Variants in CC2D2B observed in about 807,000 individuals in gnomAD.
CC2D2B encodes the protein coiled-coil and C2 domain containing 2B, also known as protein CC2D2B.
A neutral mutation model predicts 161.2 loss-of-function variants in CC2D2B; 128 were observed. That is an observed-to-expected ratio of 0.79 (90% CI 0.69 to 0.92). CC2D2B has a LOEUF of 0.92. Among genes scored for constraint, CC2D2B ranks in the 40% least tolerant of loss-of-function variants. The pLI, the probability that CC2D2B is intolerant of heterozygous loss-of-function variation, is 0.00. For synonymous variants in CC2D2B, 391 were observed against 449.8 expected, an observed-to-expected ratio of 0.87 and a Z score of 1.65; for missense variants, 1,173 against 1,375.1, an observed-to-expected ratio of 0.85 and a Z score of 2.32.
intron 2 of CC2D2B, among the ~76,000 whole-genome samples, chr10:95,912,343 A>G (rs957838617): frequency 1.3e-5 from 2 of 152,236 alleles, no homozygotes; most frequent in Admixed American, 1.3e-4. Flanking sequence ...TTATTTTAAC[A>G]TACTGAATTT....
chr10:96,025,172 T>TAAAAAAAAAA lies in CC2D2B; in HGVS notation c.3947+262_3947+263insAAAAAAAAAA, dbSNP rs1564683838. Among the ~76,000 whole-genome samples, 46 of 17,616 alleles carry TAAAAAAAAAA rather than the reference T, an allele frequency of 2.6e-3. 3 individuals carry two copies. The East Asian group carries it at 0.053, about 20-fold the overall frequency. The allele number at this position is 17,616 out of a possible 152,430, so 11.6% of individuals were successfully genotyped here. ...AAAAAAAAATATATATATATATATATATATATATATATAAAAAAAAATATA... is the reference window on the plus strand; with the variant it reads ...AAAAAAAAATATATATATATATATATAAAAAAAAAAATATATATATATAAAAAAAAATATA... On this transcript the variant is annotated intron_variant, in intron 33 of 34. Coordinates refer to ENST00000646931, the MANE Select transcript of CC2D2B (RefSeq NM_001349008.3).
At position 95,938,917 on chromosome 10, in the gene CC2D2B, T is replaced by C. The variant is rs1351173281; in HGVS notation, c.793T>C (p.Tyr265His). 1 of 680,384 alleles carries C rather than the reference T, an allele frequency of 1.5e-6. No individual in the cohort carries two copies. Among genetic ancestry groups the C allele is most frequent in the African/African-American group, 1.8e-5 (1 of 55,272 alleles). 42.1% of individuals were successfully genotyped at this position (680,384 alleles called of 1,614,324 possible). Residue 265 changes from tyrosine (Y) to histidine (H), a missense_variant, in exon 9 of 35, where the codon TAC (tyrosine) becomes CAC (histidine). Physicochemically the swap from Tyr to His is moderately conservative, Grantham distance 83 (BLOSUM62 2). Transcript: ENST00000646931. ...TTTAAATCCATTACTTAAGACCATA[T>C]ACAGGAAGGTAACCAACAACAATTT... ...EPLNPLLKTI[Y>H]RKAVKYDLGS...
At chr10:96,024,487 A>T (rs12263588) in intron 32 of CC2D2B, among the ~76,000 whole-genome samples, 1 of 152,184 alleles carries the variant, frequency 6.6e-6, no homozygotes, top group Non-Finnish European at 1.5e-5. Flanking sequence ...CTATGTTAAA[A>T]ACTCAGAACA....
rs762406350 is a variant in CC2D2B, at chr10:95,972,207, G to A, written c.1786G>A (p.Val596Ile). 1 of 1,232,008 alleles carries A rather than the reference G, an allele frequency of 8.1e-7. No homozygotes were observed. The highest frequency in any genetic ancestry group is 4.2e-5 in the Admixed American group (1 of 23,720). 76.3% of individuals were successfully genotyped at this position (1,232,008 alleles called of 1,614,324 possible). A position where few individuals can be genotyped will look rare whatever the true frequency, so the allele number is the denominator to read the frequency against. Residue 596 changes from valine to isoleucine, a missense_variant, in exon 16 of 35, where the codon GTA (valine) becomes ATA (isoleucine). Val to Ile is a conservative substitution (Grantham distance 29, BLOSUM62 3). Transcript: ENST00000646931. ...DKLVMPADGE[V>I]GSNVPFLLEG... ...GCTGGTCATGCCTGCCGATGGAGAA[G>A]TAGGAAGCAGTGAGTTTATTAAAAA...
intron 15 of CC2D2B, among the ~76,000 whole-genome samples, chr10:95,971,839 C>T (rs2077147076): frequency 6.6e-6 from 1 of 152,098 alleles, no homozygotes; most frequent in African/African-American, 2.4e-5. Flanking sequence ...GAACTGTATT[C>T]ATAATCCCTT....
intron 17 of CC2D2B, among the ~76,000 whole-genome samples, chr10:95,978,872 T>A (rs181680854): frequency 2.6e-5 from 4 of 152,350 alleles, no homozygotes; most frequent in Non-Finnish European, 4.4e-5. Flanking sequence ...TCTGTTTGAT[T>A]CTCTTTCATA....
intron 11 of CC2D2B, among the ~76,000 whole-genome samples, chr10:95,956,791 T>C (rs4918982): frequency 0.59 from 89,680 of 152,076 alleles, 27,013 homozygotes; most frequent in Admixed American, 0.66. Context: ...TACTTTAAAT[T>C]GCTTCTAGAT....
At chr10:95,912,250 A>G (rs1340735439) in intron 2 of CC2D2B, among the ~76,000 whole-genome samples, 1 of 152,196 alleles carries the variant, frequency 6.6e-6, no homozygotes, top group East Asian at 1.9e-4. Flanking sequence ...ACTTATAACC[A>G]TATCATTCTA....
intron 24 of CC2D2B, chr10:95,999,972 C>T (rs1158065381): frequency 4.1e-6 from 3 of 735,576 alleles, no homozygotes; most frequent in East Asian, 3.8e-5. Context: ...CTTATGTGCT[C>T]AATACACACA....
At chr10:96,025,422 GAA>G (rs2141959984) in intron 33 of CC2D2B, among the ~76,000 whole-genome samples, 1 of 149,646 alleles carries the variant, frequency 6.7e-6, no homozygotes, top group African/African-American at 2.5e-5. Flanking sequence ...TACATCCATG[GAA>G]AAGTGGCCCC....
intron 20 of CC2D2B, among the ~76,000 whole-genome samples, chr10:95,990,287 G>A (rs1396982575): frequency 6.6e-6 from 1 of 152,080 alleles, no homozygotes; most frequent in Non-Finnish European, 1.5e-5. Flanking sequence ...GGGTGAGTAA[G>A]GGCACAATTT....
chr10:96,015,844 C>G (rs948994387), intron 29 of CC2D2B, among the ~76,000 whole-genome samples: 1 of 152,204 alleles, frequency 6.6e-6, no homozygotes, highest in Non-Finnish European at 1.5e-5. Context: ...GATTCCCTAT[C>G]AGATAAGGTT....
chr10:95,979,566 C>T (rs1337816548), intron 17 of CC2D2B, among the ~76,000 whole-genome samples: 1 of 152,180 alleles, frequency 6.6e-6, no homozygotes, highest in Non-Finnish European at 1.5e-5. Context: ...GAGCCCACAA[C>T]CACCATGGAC....
chr10:95,938,465 T>G (rs1336457), intron 7 of CC2D2B, 104 bp from the exon 8 acceptor site: 141,074 of 605,094 alleles, frequency 0.23, 19,909 homozygotes, highest in East Asian at 0.58. Context: ...TCTGCTAGAC[T>G]TCAGTAGTAG....
At chr10:95,999,378 T>G (rs2078369623) in intron 24 of CC2D2B, among the ~76,000 whole-genome samples, 1 of 152,230 alleles carries the variant, frequency 6.6e-6, no homozygotes, top group African/African-American at 2.4e-5. Flanking sequence ...ACATTGAGCT[T>G]CTTTCCATAG....
Position 95,955,409 on chromosome 10 carries a change from G to C in CC2D2B, c.1027G>C (p.Asp343His), listed in dbSNP as rs1478580332. ...LLYEKLKALTDATKLSNENSE... is the reference protein window; with the variant it reads ...LLYEKLKALTHATKLSNENSE... Reference sequence around the variant, plus strand: ...TTTGTTATAGCTGAAAGCACTGACAGATGCTACCAAATTGTCAAATGAAAA... The same window carrying C: ...TTTGTTATAGCTGAAAGCACTGACACATGCTACCAAATTGTCAAATGAAAA... Residue 343 changes from aspartate to histidine, a missense_variant, in exon 11 of 35, where the codon GAT (aspartate) becomes CAT (histidine). Transcript: ENST00000646931. 2 of 398,048 alleles carry C rather than the reference G, an allele frequency of 5.0e-6. No individual in the cohort carries two copies. Among genetic ancestry groups the C allele is most frequent in the African/African-American group, 4.1e-5 (2 of 48,538 alleles). 24.7% of individuals were successfully genotyped at this position (398,048 alleles called of 1,614,324 possible). A position where few individuals can be genotyped will look rare whatever the true frequency, so the allele number is the denominator to read the frequency against.
At chr10:95,950,799 T>C (rs2076374043) in intron 10 of CC2D2B, among the ~76,000 whole-genome samples, 1 of 152,194 alleles carries the variant, frequency 6.6e-6, no homozygotes, top group Non-Finnish European at 1.5e-5. Flanking sequence ...AAATATCTGT[T>C]ATGAACCTTC....
At chr10:95,998,682 C>A (rs2078332462) in intron 24 of CC2D2B, among the ~76,000 whole-genome samples, 2 of 152,084 alleles carry the variant, frequency 1.3e-5, no homozygotes, top group Admixed American at 1.3e-4. Flanking sequence ...TGAAGGAAAT[C>A]TGCTGGCAGA....
intron 1 of CC2D2B, among the ~76,000 whole-genome samples, chr10:95,908,339 C>T (rs74585076): frequency 1.1e-3 from 167 of 152,302 alleles, no homozygotes; most frequent in Non-Finnish European, 1.9e-3. Flanking sequence ...GTGCTGAACA[C>T]CTTGCCTTAG....
Sources: gnomAD v4.1 joint callset for allele counts (sites outside exome capture counted in the v4.1 genomes callset) on GRCh38, gnomAD v4.1.1 for gene constraint, MANE v1.5 for transcripts, NCBI Gene and HGNC (gene_info 2026-07-23, HGNC 2026-07-21) for gene names.